Variants in MAGI2 observed in about 807,000 individuals in gnomAD.
MAGI2 encodes the protein membrane associated guanylate kinase, WW and PDZ domain containing 2.
MAGI2 carries 35 observed loss-of-function variants against 133.3 expected under a neutral mutation model. The ratio of observed to expected loss-of-function variants is 0.26; its 90% CI spans 0.20 to 0.35. The LOEUF (loss-of-function observed/expected upper bound fraction) is 0.35, where lower values mean the gene tolerates loss of function less well. Among genes scored for constraint, MAGI2 ranks in the 10% least tolerant of loss-of-function variants. The probability of loss-of-function intolerance (pLI) is 1.00; values close to 1 mark genes in which losing one functional copy is unlikely to be tolerated. For missense variants in MAGI2, 1,636 were observed against 1,863.4 expected (o/e 0.88, Z 2.25); for synonymous variants, 729 against 710.6 (o/e 1.03, Z -0.41).
chr7:78,889,649 A>C (rs1274933861), intron 2 of MAGI2, among the ~76,000 whole-genome samples: 1 of 152,206 alleles, frequency 6.6e-6, no homozygotes, highest in African/African-American at 2.4e-5. Flanking sequence ...GTGAAGGAGA[A>C]ATAAAATACT....
At chr7:78,734,708 C>T (rs1187963379) in intron 2 of MAGI2, among the ~76,000 whole-genome samples, 3 of 152,130 alleles carry the variant, frequency 2.0e-5, no homozygotes, top group Non-Finnish European at 2.9e-5. Flanking sequence ...ATGAGAAGAA[C>T]ATGCCCAGAC....
chr7:78,039,283 A>T (rs1472152202), intron 21 of MAGI2, among the ~76,000 whole-genome samples: 1 of 152,220 alleles, frequency 6.6e-6, no homozygotes, highest in Non-Finnish European at 1.5e-5. Flanking sequence ...TCACACCTGA[A>T]TTAATCAATT....
intron 20 of MAGI2, among the ~76,000 whole-genome samples, chr7:78,123,616 G>A (rs117876985): frequency 0.011 from 1,703 of 152,240 alleles, 17 homozygotes; most frequent in Middle Eastern, 0.031. Context: ...CTACAGTGTG[G>A]ATAAAGGGCT....
chr7:78,170,647 G>A (rs1826024630), intron 14 of MAGI2: 1 of 152,080 alleles, frequency 6.6e-6, no homozygotes, highest in Non-Finnish European at 1.5e-5. Flanking sequence ...CGGTGGTGGA[G>A]ATTGGTGTCA....
Position 78,177,428 on chromosome 7 carries a change from A to C in MAGI2, c.2403+583T>G, listed in dbSNP as rs112918632. On this transcript the variant is annotated intron_variant, in intron 14 of 21. Transcript: ENST00000354212. ...TCACTGTGAATACGCGCACACACAC[A>C]CACACACACACACACACAGACACAC... Among the ~76,000 whole-genome samples, 361 of 76,152 alleles carry C rather than the reference A, an allele frequency of 4.7e-3. 2 individuals carry two copies. Among genetic ancestry groups the C allele is most frequent in the African/African-American group, 0.013 (336 of 26,478 alleles). The allele number at this position is 76,152 out of a possible 152,430, so 50.0% of individuals were successfully genotyped here. A position where few individuals can be genotyped will look rare whatever the true frequency, so the allele number is the denominator to read the frequency against.
At chr7:79,243,507 A>G (rs529020026) in intron 1 of MAGI2, among the ~76,000 whole-genome samples, 68 of 152,236 alleles carry the variant, frequency 4.5e-4, no homozygotes, top group Non-Finnish European at 6.2e-4. Context: ...TGGTGATATC[A>G]TGGAGAATTA....
chr7:78,565,279 T>C (rs973713343), intron 3 of MAGI2, among the ~76,000 whole-genome samples: 5 of 151,630 alleles, frequency 3.3e-5, no homozygotes, highest in African/African-American at 4.8e-5. Flanking sequence ...CTGGGCAAAA[T>C]AGCGAGACCC....
intron 9 of MAGI2, among the ~76,000 whole-genome samples, chr7:78,282,747 A>G (rs1795749266): frequency 1.3e-5 from 2 of 152,102 alleles, no homozygotes; most frequent in Admixed American, 6.6e-5. Flanking sequence ...CAACTGATCA[A>G]TCTGGATTAA....
At chr7:79,249,419 A>C (rs2129555569) in intron 1 of MAGI2, among the ~76,000 whole-genome samples, 1 of 152,154 alleles carries the variant, frequency 6.6e-6, no homozygotes, top group South Asian at 2.1e-4. Flanking sequence ...AAAGAGAAAA[A>C]GATTTAAATA....
chr7:78,438,475 C>T (rs953697083), intron 6 of MAGI2, among the ~76,000 whole-genome samples: 2 of 152,072 alleles, frequency 1.3e-5, no homozygotes, highest in African/African-American at 2.4e-5. Flanking sequence ...GACATTTCAC[C>T]AAAACACTTC....
chr7:79,303,265 T>C (rs1404989312), intron 1 of MAGI2, among the ~76,000 whole-genome samples: 1 of 148,712 alleles, frequency 6.7e-6, no homozygotes, highest in Non-Finnish European at 1.5e-5. Flanking sequence ...TCCATCCATA[T>C]AACCAAAAAA....
chr7:78,879,423 C>T (rs1384495741), intron 2 of MAGI2, among the ~76,000 whole-genome samples: 1 of 152,142 alleles, frequency 6.6e-6, no homozygotes, highest in Non-Finnish European at 1.5e-5. Context: ...GTAGGTTGAA[C>T]TGCAGAACCC....
intron 3 of MAGI2, among the ~76,000 whole-genome samples, chr7:78,563,333 G>A (rs995982610): frequency 6.6e-6 from 1 of 152,138 alleles, no homozygotes; most frequent in African/African-American, 2.4e-5. Context: ...CAGAGACCAT[G>A]GGGGCTGCAT....
intron 13 of MAGI2, among the ~76,000 whole-genome samples, chr7:78,183,878 T>C (rs1328394801): frequency 6.6e-6 from 1 of 152,252 alleles, no homozygotes; most frequent in Non-Finnish European, 1.5e-5. Context: ...GATATATTTA[T>C]TTTAAATGCA....
chr7:78,496,160 A>G (rs888937126), intron 5 of MAGI2, among the ~76,000 whole-genome samples: 3 of 152,228 alleles, frequency 2.0e-5, no homozygotes, highest in Admixed American at 6.5e-5. Context: ...ATAGGAACAC[A>G]AAAAGAAACA....
At chr7:78,767,460 GA>G (rs1232754051) in intron 2 of MAGI2, among the ~76,000 whole-genome samples, 14 of 152,158 alleles carry the variant, frequency 9.2e-5, no homozygotes, top group African/African-American at 3.4e-4. Flanking sequence ...GCAGACAGTA[GA>G]AGAAAAATGT....
At chr7:78,072,561 T>C (rs1437678230) in intron 21 of MAGI2, 1 of 188,396 alleles carries the variant, frequency 5.3e-6, no homozygotes, top group Non-Finnish European at 1.1e-5. Context: ...CCATATAGAG[T>C]ACTTGGTAGG....
Position 78,808,106 on chromosome 7 carries a change from G to A in MAGI2, c.419-180867C>T, listed in dbSNP as rs573634854. ...AACACCCACAAAATAATAGAAAACT[G>A]ATTTAAGTGATGTGGTTAGGTAGAA... On this transcript the variant is annotated intron_variant, in intron 2 of 21. Coordinates refer to ENST00000354212, the MANE Select transcript of MAGI2 (RefSeq NM_012301.4). Among the ~76,000 whole-genome samples the A allele has an allele frequency of 5.9e-5, 9 of 152,264 alleles. No homozygotes were observed. In the South Asian group the frequency reaches 1.9e-3, roughly 32 times the overall value.
At chr7:78,162,693 T>C (rs1825193967) in intron 15 of MAGI2, among the ~76,000 whole-genome samples, 1 of 152,146 alleles carries the variant, frequency 6.6e-6, no homozygotes, top group Non-Finnish European at 1.5e-5. Context: ...AGGATACTTT[T>C]CTATTGCCTT....
Sources: gnomAD v4.1 joint callset for allele counts (sites outside exome capture counted in the v4.1 genomes callset) on GRCh38, gnomAD v4.1.1 for gene constraint, MANE v1.5 for transcripts, NCBI Gene and HGNC (gene_info 2026-07-23, HGNC 2026-07-21) for gene names.